Variants in FOLH1 observed in about 807,000 individuals in gnomAD.
The protein encoded by FOLH1 is glutamate carboxypeptidase 2.
Under a neutral mutation model 93.9 loss-of-function variants are expected in FOLH1, and 54 were observed. That is an observed-to-expected ratio of 0.57 (90% confidence interval 0.46 to 0.72). FOLH1 has a LOEUF of 0.72. Among genes scored for constraint, FOLH1 ranks in the 30% least tolerant of loss-of-function variants. The pLI is 0.00. For missense variants in FOLH1, 571 were observed against 892.5 expected (o/e 0.64, Z 4.59); for synonymous variants, 249 against 303.6 (o/e 0.82, Z 1.87).
chr11:49,194,018 C>A (rs1178930166), intron 3 of FOLH1, among the ~76,000 whole-genome samples: 3 of 151,320 alleles, frequency 2.0e-5, no homozygotes, highest in African/African-American at 7.3e-5. Context: ...ATTAGCCGGG[C>A]CTACGTGCTT....
chr11:49,206,284 G>A lies in FOLH1; in HGVS notation c.119-112C>T, dbSNP rs754834448. 13 of 1,458,972 alleles carry A rather than the reference G, an allele frequency of 8.9e-6. No homozygotes were observed. The Admixed American group carries it at 1.3e-4, about 15-fold the overall frequency. The allele number at this position is 1,458,972 out of a possible 1,614,324, so 90.4% of individuals were successfully genotyped here. A position where few individuals can be genotyped will look rare whatever the true frequency, so the allele number is the denominator to read the frequency against. ...AACACAAATTATCAATATTACCTCT[G>A]ACATTAGGTGAGATATTTCTGAATT... On this transcript the variant is annotated intron_variant, in intron 1 of 18. Transcript: ENST00000256999.
intron 3 of FOLH1, among the ~76,000 whole-genome samples, chr11:49,193,122 A>C (rs1862252840): frequency 6.6e-6 from 1 of 152,196 alleles, no homozygotes; most frequent in Non-Finnish European, 1.5e-5. Context: ...TATTCAAGGA[A>C]ACAAAGCTAA....
chr11:49,164,039 A>G (rs1291474568), intron 13 of FOLH1, among the ~76,000 whole-genome samples: 1 of 152,048 alleles, frequency 6.6e-6, no homozygotes, highest in East Asian at 1.9e-4. Flanking sequence ...CAATGTGAGT[A>G]TCTGCTCGTT....
chr11:49,177,764 A>G (rs1399247471), intron 7 of FOLH1, among the ~76,000 whole-genome samples: 2 of 140,600 alleles, frequency 1.4e-5, no homozygotes, highest in Non-Finnish European at 3.0e-5. Flanking sequence ...CCCGACCAAC[A>G]TGGAGAAACC....
chr11:49,201,677 C>G (rs868694460), intron 2 of FOLH1, among the ~76,000 whole-genome samples: 96 of 152,110 alleles, frequency 6.3e-4, no homozygotes, highest in African/African-American at 2.1e-3. Context: ...AGTCTCTATC[C>G]CTTATCAGTG....
At chr11:49,181,642 G>T (rs1034875126) in intron 7 of FOLH1, among the ~76,000 whole-genome samples, 2 of 152,100 alleles carry the variant, frequency 1.3e-5, no homozygotes, top group African/African-American at 2.4e-5. Flanking sequence ...TACAAGTAAT[G>T]CTAAAATCAC....
intron 13 of FOLH1, among the ~76,000 whole-genome samples, chr11:49,164,480 T>C (rs1276037388): frequency 6.6e-6 from 1 of 152,190 alleles, no homozygotes; most frequent in Non-Finnish European, 1.5e-5. Flanking sequence ...ATGGAGATGG[T>C]AGACATGATG....
intron 2 of FOLH1, among the ~76,000 whole-genome samples, chr11:49,205,825 T>A (rs1039132210): frequency 3.3e-5 from 5 of 152,230 alleles, no homozygotes; most frequent in African/African-American, 1.2e-4. Flanking sequence ...GTGACACAGA[T>A]CAGCTGGCCT....
At chr11:49,149,600 T>C (rs1856245848) in intron 17 of FOLH1, among the ~76,000 whole-genome samples, 1 of 152,200 alleles carries the variant, frequency 6.6e-6, no homozygotes, top group African/African-American at 2.4e-5. Flanking sequence ...TCTTACTTTA[T>C]ATTTTTCATT....
chr11:49,195,160 A>G (rs1336307695), intron 3 of FOLH1, among the ~76,000 whole-genome samples: 1 of 152,134 alleles, frequency 6.6e-6, no homozygotes, highest in East Asian at 1.9e-4. Context: ...AGCACATATT[A>G]GGTTCCAAAG....
rs1857019909 is a variant in FOLH1, at chr11:49,156,217, T to A, written c.1623+500A>T. Among the ~76,000 whole-genome samples, 3 of 152,206 alleles carry A rather than the reference T, an allele frequency of 2.0e-5. No homozygotes were observed. The East Asian group carries it at 5.8e-4, about 29-fold the overall frequency. On this transcript the variant is annotated intron_variant, in intron 15 of 18. Transcript: ENST00000256999. ...CTTTTAAATGACCCAGTCTCGGGTA[T>A]GTCTTTATTAGGAGCAGGAAAACAG...
At chr11:49,202,955 A>G (rs1863442934) in intron 2 of FOLH1, among the ~76,000 whole-genome samples, 1 of 152,230 alleles carries the variant, frequency 6.6e-6, no homozygotes, top group South Asian at 2.1e-4. Context: ...TATTTAAACC[A>G]GTCTGAGAGA....
At chr11:49,154,733 GACCAAACTGGCTTGCCTCTAAGAAT>G (rs1190423856) in intron 15 of FOLH1, among the ~76,000 whole-genome samples, 1 of 151,790 alleles carries the variant, frequency 6.6e-6, no homozygotes, top group Non-Finnish European at 1.5e-5. Context: ...ATTTGAAAGG[GACCAAACTGGCTTGCCTCTAAGAAT>G]GCAGAACATT....
At position 49,156,713 on chromosome 11, in the gene FOLH1, T is replaced by C. The variant is rs750630305; in HGVS notation, c.1623+4A>G. On this transcript the variant is annotated splice_donor_region_variant and intron_variant, in intron 15 of 18. Coordinates refer to ENST00000256999, the MANE Select transcript of FOLH1 (RefSeq NM_004476.3). ...TAATCTTAGATAATTTGAGATTCAC[T>C]TACCCAATTTTTAGTATACCGTGCT... The C allele has an allele frequency of 6.2e-7, 1 of 1,612,574 alleles. No homozygotes were observed. The highest frequency in any genetic ancestry group is 2.2e-5 in the East Asian group (1 of 44,740).
intron 14 of FOLH1, 79 bp from the exon 15 acceptor site, chr11:49,156,886 C>G (rs1422990278): frequency 6.3e-7 from 1 of 1,585,648 alleles, no homozygotes; most frequent in Non-Finnish European, 8.6e-7. Context: ...TAAACTAAAC[C>G]CCATTCTTAC....
rs570144568 is a variant in FOLH1 at position 49,208,425 on chromosome 11, G to A, written c.-16C>T. The A allele has an allele frequency of 5.0e-5, 79 of 1,572,290 alleles. No individual in the cohort carries two copies. The East Asian group carries it at 1.6e-3, about 32-fold the overall frequency. On this transcript the variant is annotated 5_prime_UTR_variant, in exon 1 of 19. Transcript: ENST00000256999. Reference sequence around the variant, plus strand: ...GATTCCACATCTCGGCGCGAGCAGAGCCGGCCTCCCGGGACCCGCGCCTGT... The same window carrying A: ...GATTCCACATCTCGGCGCGAGCAGAACCGGCCTCCCGGGACCCGCGCCTGT...
At chr11:49,160,339 G>A (rs1263104558) in intron 13 of FOLH1, among the ~76,000 whole-genome samples, 1 of 151,942 alleles carries the variant, frequency 6.6e-6, no homozygotes, top group Non-Finnish European at 1.5e-5. Context: ...TTCAGCTGTG[G>A]TCTTGGTTAC....
intron 13 of FOLH1, chr11:49,162,669 A>G (rs1159608599): frequency 6.6e-6 from 1 of 152,202 alleles, no homozygotes; most frequent in Non-Finnish European, 1.5e-5. Context: ...GAAAGAGGGC[A>G]CTGTGGCATT....
intron 8 of FOLH1, 136 bp from the exon 9 acceptor site, chr11:49,175,113 G>C (rs900629028): frequency 3.8e-6 from 3 of 782,340 alleles, no homozygotes; most frequent in African/African-American, 3.5e-5. Context: ...ATTAACAGGA[G>C]AAAAGGCATA....
Sources: allele counts gnomAD v4.1 joint callset (sites outside exome capture counted in the v4.1 genomes callset), GRCh38; gene constraint gnomAD v4.1.1; transcripts MANE v1.5; gene names NCBI Gene and HGNC (gene_info 2026-07-23, HGNC 2026-07-21).